Variants in CNTNAP5 observed in about 807,000 individuals in gnomAD.
CNTNAP5 encodes contactin-associated protein-like 5.
CNTNAP5 carries 72 observed loss-of-function variants against 150.2 expected under a neutral mutation model. The ratio of observed to expected loss-of-function variants is 0.48; its 90% CI spans 0.40 to 0.58. The LOEUF (loss-of-function observed/expected upper bound fraction) is 0.58, where lower values mean the gene tolerates loss of function less well. CNTNAP5 is among the 20% of genes least tolerant of loss of function. The pLI is 0.00. For missense variants in CNTNAP5, 1,636 were observed against 1,626.2 expected (o/e 1.01, Z -0.10); for synonymous variants, 672 against 619.8 (o/e 1.08, Z -1.25).
intron 10 of CNTNAP5, among the ~76,000 whole-genome samples, chr2:124,542,388 G>A (rs914423933): frequency 6.6e-6 from 1 of 151,416 alleles, no homozygotes; most frequent in African/African-American, 2.4e-5. Flanking sequence ...ATCTTACAAA[G>A]GGAAGTTAAT....
At chr2:124,242,446 C>A (rs544759608) in intron 3 of CNTNAP5, 53 bp downstream of exon 3, 5 of 1,498,350 alleles carry the variant, frequency 3.3e-6, no homozygotes, top group Non-Finnish European at 4.6e-6. Context: ...CTAATGGTAA[C>A]CAGAGTATAT....
chr2:124,113,866 A>T (rs1270031589), intron 1 of CNTNAP5, among the ~76,000 whole-genome samples: 1 of 151,932 alleles, frequency 6.6e-6, no homozygotes, highest in Non-Finnish European at 1.5e-5. Flanking sequence ...ATCATTGAAA[A>T]GATCATTTTT....
intron 19 of CNTNAP5, among the ~76,000 whole-genome samples, chr2:124,819,934 C>T (rs1315906360): frequency 6.6e-6 from 1 of 152,176 alleles, no homozygotes; most frequent in Non-Finnish European, 1.5e-5. Context: ...TGCCTTACTT[C>T]CTGTTGCAGC....
intron 1 of CNTNAP5, among the ~76,000 whole-genome samples, chr2:124,103,873 A>C (rs1309046622): frequency 1.4e-5 from 2 of 147,864 alleles, no homozygotes; most frequent in Admixed American, 1.4e-4. Flanking sequence ...AAATTTATAT[A>C]ATATAAATAT....
At chr2:124,888,790 G>A (rs906841644) in intron 21 of CNTNAP5, among the ~76,000 whole-genome samples, 1 of 151,640 alleles carries the variant, frequency 6.6e-6, no homozygotes, top group Non-Finnish European at 1.5e-5. Context: ...TTTTAGTAAG[G>A]TTAACTGTTT....
At chr2:124,174,636 A>G (rs1464094292) in intron 1 of CNTNAP5, among the ~76,000 whole-genome samples, 2 of 152,218 alleles carry the variant, frequency 1.3e-5, no homozygotes. Context: ...GGATGAGCAA[A>G]AAAAGTGATT....
chr2:124,764,660 A>G (rs1681030199), intron 16 of CNTNAP5, among the ~76,000 whole-genome samples: 1 of 152,182 alleles, frequency 6.6e-6, no homozygotes, highest in Non-Finnish European at 1.5e-5. Context: ...TGATGCCAGG[A>G]TGTGGATCAC....
At chr2:124,037,696 G>T (rs188197822) in intron 1 of CNTNAP5, among the ~76,000 whole-genome samples, 2 of 152,248 alleles carry the variant, frequency 1.3e-5, no homozygotes, top group African/African-American at 4.8e-5. Flanking sequence ...GGGAGGGATG[G>T]GAGATGTTGG....
At chr2:124,405,196 C>A (rs184295226) in intron 3 of CNTNAP5, among the ~76,000 whole-genome samples, 2 of 152,016 alleles carry the variant, frequency 1.3e-5, no homozygotes, top group Admixed American at 1.3e-4. Flanking sequence ...CCTCATGAGG[C>A]GGCGAGACTA....
intron 3 of CNTNAP5, among the ~76,000 whole-genome samples, chr2:124,384,743 G>A (rs1690885665): frequency 6.6e-6 from 1 of 152,160 alleles, no homozygotes; most frequent in African/African-American, 2.4e-5. Context: ...ATAAACTGTG[G>A]ATTTCTTGTC....
intron 19 of CNTNAP5, among the ~76,000 whole-genome samples, chr2:124,860,047 T>C (rs1323676065): frequency 6.6e-6 from 1 of 151,396 alleles, no homozygotes; most frequent in African/African-American, 2.4e-5. Flanking sequence ...ATCCTAGAAC[T>C]TAAAGTATAA....
At chr2:124,502,887 C>T (rs748947523) in intron 7 of CNTNAP5, among the ~76,000 whole-genome samples, 3 of 152,158 alleles carry the variant, frequency 2.0e-5, no homozygotes, top group Non-Finnish European at 4.4e-5. Flanking sequence ...TCCCATGTTT[C>T]CTGCTAACTA....
At chr2:124,503,256 A>G (rs922254909) in intron 7 of CNTNAP5, among the ~76,000 whole-genome samples, 3 of 152,250 alleles carry the variant, frequency 2.0e-5, no homozygotes, top group Non-Finnish European at 2.9e-5. Context: ...TTCATTTTCA[A>G]GAATACAAGA....
intron 21 of CNTNAP5, among the ~76,000 whole-genome samples, chr2:124,894,079 AACTG>A (rs1678255311): frequency 6.6e-6 from 1 of 152,186 alleles, no homozygotes; most frequent in African/African-American, 2.4e-5. Context: ...ACATGTGTGT[AACTG>A]ACTGTTGGTT....
At chr2:124,835,964 G>C (rs1032381570) in intron 19 of CNTNAP5, among the ~76,000 whole-genome samples, 1 of 152,062 alleles carries the variant, frequency 6.6e-6, no homozygotes, top group Non-Finnish European at 1.5e-5. Flanking sequence ...GCCTGTTCCA[G>C]TCTTTTAGTT....
At chr2:124,311,771 G>C (rs1688837467) in intron 3 of CNTNAP5, among the ~76,000 whole-genome samples, 1 of 152,162 alleles carries the variant, frequency 6.6e-6, no homozygotes, top group African/African-American at 2.4e-5. Flanking sequence ...TTTGCTAATA[G>C]CTGTCTATAT....
intron 7 of CNTNAP5, among the ~76,000 whole-genome samples, chr2:124,487,461 C>T (rs370653100): frequency 6.6e-6 from 1 of 152,122 alleles, no homozygotes; most frequent in South Asian, 2.1e-4. Flanking sequence ...CCACCATTTA[C>T]TTCATTTATA....
chr2:124,370,131 G>C (rs576163232), intron 3 of CNTNAP5, among the ~76,000 whole-genome samples: 1 of 152,258 alleles, frequency 6.6e-6, no homozygotes, highest in Admixed American at 6.5e-5. Flanking sequence ...AGCATCTCAA[G>C]AATTGAGAGG....
intron 11 of CNTNAP5, among the ~76,000 whole-genome samples, chr2:124,590,599 A>G (rs1054142614): frequency 6.6e-6 from 1 of 152,234 alleles, no homozygotes; most frequent in African/African-American, 2.4e-5. Flanking sequence ...AAAATGCTTC[A>G]CAAGCATTTA....
Sources: allele counts gnomAD v4.1 joint callset (sites outside exome capture counted in the v4.1 genomes callset), GRCh38; gene constraint gnomAD v4.1.1; transcripts MANE v1.5; gene names NCBI Gene and HGNC (gene_info 2026-07-23, HGNC 2026-07-21).